Variants in PHKA2 observed in about 807,000 individuals in gnomAD.
The protein encoded by PHKA2 is phosphorylase b kinase regulatory subunit alpha, liver isoform.
In PHKA2, 31 loss-of-function variants were observed where a neutral mutation model predicts 102.0. The observed-to-expected ratio is 0.30, with a 90% CI of 0.23 to 0.41. PHKA2 has a LOEUF of 0.41. Ranked by LOEUF, PHKA2 falls within the 10% of genes least tolerant of loss-of-function variation. PHKA2 has a pLI of 1.00. For missense variants in PHKA2, 858 were observed against 1,023.1 expected (o/e 0.84, Z 2.20); for synonymous variants, 455 against 416.2 (o/e 1.09, Z -1.13).
Position 18,920,312 on chromosome X carries a change from C to T in PHKA2, c.1794-111G>A, listed in dbSNP as rs901376061. On this transcript the variant is annotated intron_variant, in intron 17 of 32. Coordinates refer to ENST00000379942, the MANE Select transcript of PHKA2 (RefSeq NM_000292.3). ...TGTGGTGCTTCTGCCAGAATCAATA[C>T]ATATATCACTCTGCAGATTGCCCCA... The T allele has an allele frequency of 4.1e-5, 22 of 535,995 alleles. No individual in the cohort carries two copies. The African/African-American group carries it at 4.7e-4, about 12-fold the overall frequency. 44.2% of individuals were successfully genotyped at this position (535,995 alleles called of 1,213,427 possible).
intron 1 of PHKA2, among the ~76,000 whole-genome samples, chrX:18,958,170 T>C (rs752277109): frequency 9.0e-6 from 1 of 111,595 alleles, no homozygotes; most frequent in South Asian, 3.8e-4. Flanking sequence ...AGGGTCACTG[T>C]TTTTAACGAG....
intron 8 of PHKA2, among the ~76,000 whole-genome samples, chrX:18,940,777 G>A (rs1476044507): frequency 9.0e-6 from 1 of 111,729 alleles, no homozygotes. Context: ...GACCAGCACC[G>A]CACTGTCCTG....
intron 13 of PHKA2, among the ~76,000 whole-genome samples, chrX:18,927,551 C>T (rs770678864): frequency 2.0e-3 from 223 of 111,983 alleles, no homozygotes; most frequent in African/African-American, 7.0e-3. Context: ...CTAGTGGGGC[C>T]GGAATGTACA....
intron 15 of PHKA2, among the ~76,000 whole-genome samples, chrX:18,925,009 G>C (rs1237789920): frequency 1.8e-5 from 2 of 111,896 alleles, no homozygotes; most frequent in East Asian, 2.8e-4. Context: ...CTCTGGACTA[G>C]TGCATGCTCA....
intron 26 of PHKA2, among the ~76,000 whole-genome samples, chrX:18,902,084 G>A (rs1223468446): frequency 9.0e-6 from 1 of 110,762 alleles, no homozygotes; most frequent in Non-Finnish European, 1.9e-5. Flanking sequence ...CTTGTGATCC[G>A]CCCACCTTGA....
rs368393551 is a variant in PHKA2 at position 18,911,133 on chromosome X, G to A, written c.2138-173C>T. The stretch of plus-strand genomic sequence containing the variant: ...CGATTCTCCTGCCTCAGCCTCCCGA[G>A]TAGCTGGGATAACAGGCACGTGCCA... On this transcript the variant is annotated intron_variant, in intron 19 of 32. Transcript: ENST00000379942. Among the ~76,000 whole-genome samples, 16 of 107,786 alleles carry A rather than the reference G, an allele frequency of 1.5e-4. 1 individual carries two copies. Among genetic ancestry groups the A allele is most frequent in the Admixed American group, 1.1e-3 (11 of 10,030 alleles). 93.6% of individuals were successfully genotyped at this position (107,786 alleles called of 115,157 possible).
chrX:18,930,030 A>C (rs1248894454), intron 12 of PHKA2, among the ~76,000 whole-genome samples: 1 of 112,375 alleles, frequency 8.9e-6, no homozygotes, highest in Non-Finnish European at 1.9e-5. Flanking sequence ...AGCATTCATC[A>C]GGCCCCTTTT....
At chrX:18,913,475 G>A (rs1418185710) in intron 19 of PHKA2, among the ~76,000 whole-genome samples, 2 of 108,348 alleles carry the variant, frequency 1.8e-5, no homozygotes, top group Non-Finnish European at 3.8e-5. Flanking sequence ...GTGCGATCTC[G>A]GCTCACTGCA....
At chrX:18,907,211 A>T in intron 22 of PHKA2, 114 bp from the exon 23 acceptor site, 1 of 589,390 alleles carries the variant, frequency 1.7e-6, no homozygotes, top group East Asian at 3.6e-5. Context: ...TTACCTTTAC[A>T]AACTTAGTGA....
chrX:18,946,453 G>A (rs1237902481), intron 5 of PHKA2, among the ~76,000 whole-genome samples: 1 of 111,042 alleles, frequency 9.0e-6, no homozygotes, highest in Non-Finnish European at 1.9e-5. Flanking sequence ...AATGACAAGT[G>A]GTGTATTTCC....
chrX:18,907,136 G>T, intron 22 of PHKA2, 39 bp from the exon 23 acceptor site: 1 of 998,470 alleles, frequency 1.0e-6, no homozygotes, highest in South Asian at 2.0e-5. Context: ...CAGAGCGCGA[G>T]AGAGATACTG....
intron 1 of PHKA2, among the ~76,000 whole-genome samples, chrX:18,960,060 T>C (rs1420602626): frequency 8.9e-6 from 1 of 111,933 alleles, no homozygotes; most frequent in Non-Finnish European, 1.9e-5. Flanking sequence ...GGGTTTCTAA[T>C]GTAGGAAAAG....
chrX:18,897,001 C>CA (rs2047571886), intron 30 of PHKA2, among the ~76,000 whole-genome samples, 162 bp downstream of exon 30: 2 of 111,998 alleles, frequency 1.8e-5, no homozygotes, highest in Admixed American at 9.4e-5. Flanking sequence ...CTACCACGCA[C>CA]AGGCCCCCTA....
rs780069765 is a variant in PHKA2 at position 18,893,572 on chromosome X, C to T, written c.3621G>A (p.Gly1207=). The part of the protein sequence containing the change: ...CHFFYDSAPS[G]AYGTMTYLTR... Reference sequence around the variant, plus strand: ...TTAGGTAGGTCATCGTCCCATAAGCCCCACTCGGAGCGCTGTCATAAAAGA... The same window carrying T: ...TTAGGTAGGTCATCGTCCCATAAGCTCCACTCGGAGCGCTGTCATAAAAGA... The change falls in exon 33 of 33, where the codon GGG becomes GGA. Residue 1207 remains glycine, a synonymous_variant. Coordinates refer to ENST00000379942, the MANE Select transcript of PHKA2 (RefSeq NM_000292.3). The T allele has an allele frequency of 8.3e-7, 1 of 1,209,635 alleles. No homozygotes were observed. The highest frequency in any genetic ancestry group is 1.1e-6 in the Non-Finnish European group (1 of 894,532).
chrX:18,910,978 A>G lies in PHKA2; in HGVS notation c.2138-18T>C, dbSNP rs749926044. On this transcript the variant is annotated intron_variant, in intron 19 of 32. Coordinates refer to ENST00000379942, the MANE Select transcript of PHKA2 (RefSeq NM_000292.3). The stretch of plus-strand genomic sequence containing the variant: ...GGGAACAACTGGAAAACAAAAGAAT[A>G]AAGAGAGTTATTCTGAGGAGGAAGA... 2 of 1,049,965 alleles carry G rather than the reference A, an allele frequency of 1.9e-6. No homozygotes were observed. Among genetic ancestry groups the G allele is most frequent in the Admixed American group, 4.6e-5 (2 of 43,223 alleles). The allele number at this position is 1,049,965 out of a possible 1,213,427, so 86.5% of individuals were successfully genotyped here.
chrX:18,896,186 T>C (rs1261089307), intron 30 of PHKA2: 1 of 111,464 alleles, frequency 9.0e-6, no homozygotes, highest in African/African-American at 3.3e-5. Flanking sequence ...GGGAAAAAAA[T>C]GTCTTGGTTT....
intron 26 of PHKA2, 52 bp downstream of exon 26, chrX:18,905,706 G>T: frequency 1.3e-6 from 1 of 797,459 alleles, no homozygotes; most frequent in African/African-American, 2.0e-5. Flanking sequence ...AATGTCTGCT[G>T]CATGTAAAGG....
In PHKA2 at chrX:18,910,953, G is replaced by T; in HGVS notation, c.2145C>A (p.Pro715=). The T allele has an allele frequency of 8.6e-7, 1 of 1,161,320 alleles. No homozygotes were observed. Among genetic ancestry groups the T allele is most frequent in the South Asian group, 1.8e-5 (1 of 55,833 alleles). The part of the protein sequence containing the change: ...KAKGLEVPFV[P]MTLPTKVLSA... Reference sequence around the variant, plus strand: ...TTAGAACTTTAGTCGGCAAAGTCATGGGAACAACTGGAAAACAAAAGAATA... The same window carrying T: ...TTAGAACTTTAGTCGGCAAAGTCATTGGAACAACTGGAAAACAAAAGAATA... The change falls in exon 20 of 33, where the codon CCC becomes CCA. Residue 715 remains proline, a synonymous_variant. Coordinates refer to ENST00000379942, the MANE Select transcript of PHKA2 (RefSeq NM_000292.3).
Position 18,925,714 on chromosome X carries a change from G to A in PHKA2, c.1523C>T (p.Ser508Phe), listed in dbSNP as rs755814395. The change falls in exon 15 of 33, where the codon TCT becomes TTT. Residue 508 changes from serine (S) to phenylalanine (F), a missense_variant. By Grantham distance (155) the Ser-to-Phe change is radical. Coordinates refer to ENST00000379942, the MANE Select transcript of PHKA2 (RefSeq NM_000292.3). ...PYRHIGVLGT[S>F]KLYVIRNQIF... ...TTGGTTCCTAATCACATATAGTTTAGAGGTTCCAAGGACACCAATATGTCG... is the reference window on the plus strand; with the variant it reads ...TTGGTTCCTAATCACATATAGTTTAAAGGTTCCAAGGACACCAATATGTCG... 1.5e-5 allele frequency: 18 copies of A among 1,198,104 alleles called. No individual in the cohort carries two copies. The highest frequency in any genetic ancestry group is 1.8e-5 in the Non-Finnish European group (16 of 884,525).
Sources: gnomAD v4.1 joint callset for allele counts (sites outside exome capture counted in the v4.1 genomes callset) on GRCh38, gnomAD v4.1.1 for gene constraint, MANE v1.5 for transcripts, NCBI Gene and HGNC (gene_info 2026-07-23, HGNC 2026-07-21) for gene names.